FMN2: variants seen among roughly 807,000 people sequenced by gnomAD.
The protein encoded by FMN2 is formin 2, also known as formin-2.
In FMN2, 51 loss-of-function variants were observed where a neutral mutation model predicts 142.3. The ratio of observed to expected loss-of-function variants is 0.36; its 90% CI spans 0.29 to 0.45. The LOEUF (loss-of-function observed/expected upper bound fraction) is 0.45, where lower values mean the gene tolerates loss of function less well. Ranked by LOEUF, FMN2 falls within the 20% of genes least tolerant of loss-of-function variation. The pLI, the probability that FMN2 is intolerant of heterozygous loss-of-function variation, is 1.00. For synonymous variants in FMN2, 882 were observed against 869.8 expected (o/e 1.01, Z -0.25); for missense variants, 1,936 against 2,122.8 (o/e 0.91, Z 1.73).
At chr1:240,215,358 G>A (rs12035407) in intron 6 of FMN2, among the ~76,000 whole-genome samples, 45,400 of 151,952 alleles carry the variant, frequency 0.3, 7,306 homozygotes, top group African/African-American at 0.42. Context: ...GACAGGCACC[G>A]TTAGCCTCAG....
At chr1:240,319,715 C>A (rs1004919553) in intron 8 of FMN2, among the ~76,000 whole-genome samples, 1 of 151,974 alleles carries the variant, frequency 6.6e-6, no homozygotes, top group Non-Finnish European at 1.5e-5. Context: ...CCTGGAAATT[C>A]TTTGATGTGA....
intron 8 of FMN2, among the ~76,000 whole-genome samples, chr1:240,322,055 T>C (rs1438245354): frequency 6.6e-6 from 1 of 152,142 alleles, no homozygotes; most frequent in Non-Finnish European, 1.5e-5. Flanking sequence ...CAGCTTTCCC[T>C]AGCCACCCTT....
intron 2 of FMN2, among the ~76,000 whole-genome samples, chr1:240,158,845 C>G (rs1664142529): frequency 6.6e-6 from 1 of 152,122 alleles, no homozygotes; most frequent in Non-Finnish European, 1.5e-5. Context: ...TGTAACATCT[C>G]TTAAAGATTG....
intron 2 of FMN2, among the ~76,000 whole-genome samples, chr1:240,154,992 T>TC (rs899423615): frequency 7.9e-4 from 115 of 146,492 alleles, no homozygotes; most frequent in East Asian, 1.0e-3. Context: ...ACTTAAGCAA[T>TC]CCCCCCCCCG....
At chr1:240,226,883 T>C (rs997252405) in intron 6 of FMN2, among the ~76,000 whole-genome samples, 1 of 151,954 alleles carries the variant, frequency 6.6e-6, no homozygotes, top group African/African-American at 2.4e-5. Flanking sequence ...CTCAGCCTGA[T>C]AGCATCTGTG....
At chr1:240,251,636 C>T (rs1015177665) in intron 6 of FMN2, among the ~76,000 whole-genome samples, 2 of 152,112 alleles carry the variant, frequency 1.3e-5, no homozygotes, top group African/African-American at 2.4e-5. Context: ...AATTTTCTGT[C>T]TAGATGATCC....
At chr1:240,225,295 C>A (rs1189466449) in intron 6 of FMN2, among the ~76,000 whole-genome samples, 1 of 152,196 alleles carries the variant, frequency 6.6e-6, no homozygotes, top group African/African-American at 2.4e-5. Context: ...GGTAAATTCC[C>A]TGAATGTGAT....
At chr1:240,146,201 G>T (rs1300033836) in intron 2 of FMN2, among the ~76,000 whole-genome samples, 1 of 146,738 alleles carries the variant, frequency 6.8e-6, no homozygotes, top group Non-Finnish European at 1.5e-5. Context: ...GGCTAACATG[G>T]AGAAACCCCG....
chr1:240,237,859 C>A (rs758356289), intron 6 of FMN2, among the ~76,000 whole-genome samples: 2 of 152,096 alleles, frequency 1.3e-5, no homozygotes, highest in African/African-American at 4.8e-5. Context: ...CTACTTGCTG[C>A]CTTAAATTTA....
intron 14 of FMN2, among the ~76,000 whole-genome samples, chr1:240,391,642 A>G (rs1254145888): frequency 6.6e-6 from 1 of 152,180 alleles, no homozygotes; most frequent in African/African-American, 2.4e-5. Flanking sequence ...GAGTCATGAA[A>G]TCAGTTTAGC....
At chr1:240,444,785 T>G (rs1347657600) in intron 16 of FMN2, among the ~76,000 whole-genome samples, 2 of 152,242 alleles carry the variant, frequency 1.3e-5, no homozygotes, top group Non-Finnish European at 2.9e-5. Context: ...TCAAGTGAAC[T>G]ACATGTTCAG....
At chr1:240,157,532 T>C (rs1664072925) in intron 2 of FMN2, among the ~76,000 whole-genome samples, 1 of 151,972 alleles carries the variant, frequency 6.6e-6, no homozygotes, top group African/African-American at 2.4e-5. Context: ...CAGTCAATGA[T>C]TATAATAACT....
intron 15 of FMN2, among the ~76,000 whole-genome samples, chr1:240,398,115 C>A (rs1369872845): frequency 6.6e-6 from 1 of 151,934 alleles, no homozygotes. Context: ...CATTCCTCAG[C>A]CTCCCCAGTA....
At chr1:240,119,200 A>G (rs1662141117) in intron 1 of FMN2, among the ~76,000 whole-genome samples, 1 of 151,956 alleles carries the variant, frequency 6.6e-6, no homozygotes. Context: ...GTGGTGGCGC[A>G]TGCCTGTAAT....
rs141169332 is a variant in FMN2, at chr1:240,188,938, A to G, written c.1986+676A>G. 1.7e-3 allele frequency among the ~76,000 whole-genome samples: 263 copies of G among 152,254 alleles called. 1 individual carries two copies. Among genetic ancestry groups the G allele is most frequent in the Non-Finnish European group, 2.9e-3 (200 of 68,038 alleles). ...CAGAGAAACTCCCATTTTTAAAACCATTAGATCTCGTGAGACCCATTCACT... is the reference window on the plus strand; with the variant it reads ...CAGAGAAACTCCCATTTTTAAAACCGTTAGATCTCGTGAGACCCATTCACT... On this transcript the variant is annotated intron_variant, in intron 4 of 17. Transcript: ENST00000319653.
chr1:240,404,055 G>A (rs895046511), intron 15 of FMN2, among the ~76,000 whole-genome samples: 1 of 152,136 alleles, frequency 6.6e-6, no homozygotes, highest in African/African-American at 2.4e-5. Flanking sequence ...TAACAAATGA[G>A]TTGAAATGGA....
intron 6 of FMN2, among the ~76,000 whole-genome samples, chr1:240,233,138 T>C (rs1173589815): frequency 5.3e-5 from 8 of 152,104 alleles, no homozygotes; most frequent in Admixed American, 5.2e-4. Flanking sequence ...CCCAGCACTT[T>C]GGGAGGCCAA....
intron 16 of FMN2, among the ~76,000 whole-genome samples, chr1:240,462,995 G>T (rs1007657034): frequency 1.3e-5 from 2 of 152,164 alleles, no homozygotes; most frequent in Non-Finnish European, 2.9e-5. Context: ...GGACTGGGAG[G>T]TGCTTCTGTA....
intron 16 of FMN2, among the ~76,000 whole-genome samples, chr1:240,451,952 G>A (rs963622000): frequency 2.0e-5 from 3 of 151,964 alleles, no homozygotes; most frequent in African/African-American, 4.8e-5. Flanking sequence ...TATATATTGG[G>A]AGGCCGAGGT....
Sources: allele counts gnomAD v4.1 joint callset (sites outside exome capture counted in the v4.1 genomes callset), GRCh38; gene constraint gnomAD v4.1.1; transcripts MANE v1.5; gene names NCBI Gene and HGNC (gene_info 2026-07-23, HGNC 2026-07-21).